CNTN5: variants seen among roughly 807,000 people sequenced by gnomAD.
CNTN5 encodes contactin 5.
A neutral mutation model predicts 129.1 loss-of-function variants in CNTN5; 77 were observed. The ratio of observed to expected loss-of-function variants is 0.60; its 90% confidence interval spans 0.50 to 0.72. The LOEUF is 0.72. CNTN5 is among the 30% of genes least tolerant of loss of function. The probability of loss-of-function intolerance (pLI) is 0.00; values close to 1 mark genes in which losing one functional copy is unlikely to be tolerated. For synonymous variants in CNTN5, 509 were observed against 465.6 expected, an observed-to-expected ratio of 1.09 and a Z score of -1.20; for missense variants, 1,478 against 1,328.8, an observed-to-expected ratio of 1.11 and a Z score of -1.75.
At chr11:99,966,911 G>C (rs1267873201) in intron 8 of CNTN5, among the ~76,000 whole-genome samples, 1 of 152,126 alleles carries the variant, frequency 6.6e-6, no homozygotes, top group Non-Finnish European at 1.5e-5. Flanking sequence ...AGGGGCTTTA[G>C]AGGGGCTTGT....
chr11:99,234,196 T>C (rs1341040624), intron 1 of CNTN5, among the ~76,000 whole-genome samples: 6 of 152,130 alleles, frequency 3.9e-5, no homozygotes, highest in Admixed American at 3.9e-4. Flanking sequence ...AAATAAAAAT[T>C]GCCAATATCA....
rs567071473 is a variant in CNTN5, at chr11:99,777,626, G to A, written c.56-41918G>A. 2.0e-5 allele frequency among the ~76,000 whole-genome samples: 3 copies of A among 151,752 alleles called. No individual in the cohort carries two copies. In the East Asian group the frequency reaches 5.8e-4, roughly 30 times the overall value. On this transcript the variant is annotated intron_variant, in intron 3 of 24. Transcript: ENST00000524871. ...AAATTGTTCTTGACAGTTTTTTTCT[G>A]TTAGACTAGTAAATGTGTGGTTGCC...
intron 9 of CNTN5, among the ~76,000 whole-genome samples, chr11:100,023,047 G>A (rs1411839275): frequency 1.3e-5 from 2 of 151,942 alleles, no homozygotes; most frequent in Non-Finnish European, 2.9e-5. Flanking sequence ...GCTTCTGGGA[G>A]CCAAAATTTT....
intron 1 of CNTN5, among the ~76,000 whole-genome samples, chr11:99,190,314 A>G (rs779667179): frequency 1.3e-5 from 2 of 151,686 alleles, no homozygotes; most frequent in South Asian, 2.1e-4. Context: ...GTATATTTTG[A>G]CATCAGGAGG....
rs185833070 is a variant in CNTN5, at chr11:99,398,336, G to C, written c.-71+72852G>C. Among the ~76,000 whole-genome samples, 12 of 151,562 alleles carry C rather than the reference G, an allele frequency of 7.9e-5. No individual in the cohort carries two copies. The East Asian group carries it at 2.3e-3, about 29-fold the overall frequency. On this transcript the variant is annotated intron_variant, in intron 2 of 24. Coordinates refer to ENST00000524871, the MANE Select transcript of CNTN5 (RefSeq NM_014361.4). Reference sequence around the variant, plus strand: ...ATACATTTGTAATATATTTCTGTTCGTCTGTCCTATTCTGCATTCCAACCT... The same window carrying C: ...ATACATTTGTAATATATTTCTGTTCCTCTGTCCTATTCTGCATTCCAACCT...
intron 2 of CNTN5, among the ~76,000 whole-genome samples, chr11:99,385,466 T>A (rs995937008): frequency 6.6e-6 from 1 of 152,178 alleles, no homozygotes; most frequent in Non-Finnish European, 1.5e-5. Context: ...ATTTTATTCA[T>A]AAACCAGTAA....
intron 3 of CNTN5, chr11:99,558,340 GTT>G (rs1948739076): frequency 2.8e-6 from 1 of 358,418 alleles, no homozygotes; most frequent in African/African-American, 2.2e-5. Context: ...AGGACACCCA[GTT>G]AGATTTGGAT....
At chr11:100,185,471 A>C (rs1948271613) in intron 13 of CNTN5, among the ~76,000 whole-genome samples, 1 of 152,134 alleles carries the variant, frequency 6.6e-6, no homozygotes, top group Admixed American at 6.5e-5. Context: ...CAGAAGTGAT[A>C]AAGAAGAGCG....
chr11:100,013,168 GTCAA>G (rs1485221609), intron 9 of CNTN5, among the ~76,000 whole-genome samples: 2 of 152,086 alleles, frequency 1.3e-5, no homozygotes, highest in Non-Finnish European at 2.9e-5. Flanking sequence ...TGGAGTAATA[GTCAA>G]TGGAGACTCA....
chr11:99,593,393 G>A lies in CNTN5; in HGVS notation c.55+37124G>A, dbSNP rs75130004. 7.9e-5 allele frequency among the ~76,000 whole-genome samples: 12 copies of A among 152,278 alleles called. No individual in the cohort carries two copies. The East Asian group carries it at 2.3e-3, about 29-fold the overall frequency. ...GTCACTGATTTGAAAGGAACTGTCA[G>A]TTGTTTGATTCTTTAAGTGATTCTG... On this transcript the variant is annotated intron_variant, in intron 3 of 24. Transcript: ENST00000524871.
chr11:99,093,763 T>A (rs1159499788), intron 1 of CNTN5, among the ~76,000 whole-genome samples: 1 of 152,018 alleles, frequency 6.6e-6, no homozygotes, highest in Non-Finnish European at 1.5e-5. Flanking sequence ...ATTCTATTTT[T>A]ATTTTAAATC....
At chr11:100,352,972 T>C (rs538009902) in intron 24 of CNTN5, among the ~76,000 whole-genome samples, 5 of 151,746 alleles carry the variant, frequency 3.3e-5, no homozygotes, top group Non-Finnish European at 7.4e-5. Flanking sequence ...TTTCTATATA[T>C]TATTTTATCT....
Position 100,255,846 on chromosome 11 carries a change from C to T in CNTN5, c.2092C>T (p.His698Tyr). 1 of 1,613,862 alleles carries T rather than the reference C, an allele frequency of 6.2e-7. No homozygotes were observed. Among genetic ancestry groups the T allele is most frequent in the Non-Finnish European group, 8.5e-7 (1 of 1,179,854 alleles). ...GTCCTGGAGCCCAGCAGCTGACAACCACAGCCCAATCTCCTCCTACAACCT... is the reference window on the plus strand; with the variant it reads ...GTCCTGGAGCCCAGCAGCTGACAACTACAGCCCAATCTCCTCCTACAACCT... ...TLSWSPAADN[H>Y]SPISSYNLQA... Residue 698 changes from histidine to tyrosine, a missense_variant, in exon 17 of 25, where the codon CAC becomes TAC. Transcript: ENST00000524871.
chr11:100,107,481 T>C (rs1386249030), intron 13 of CNTN5, among the ~76,000 whole-genome samples: 1 of 145,918 alleles, frequency 6.9e-6, no homozygotes, highest in East Asian at 2.0e-4. Flanking sequence ...GCTGCAACTA[T>C]AGTATTCTTT....
intron 13 of CNTN5, among the ~76,000 whole-genome samples, chr11:100,077,197 T>C (rs2137905755): frequency 6.6e-6 from 1 of 152,280 alleles, no homozygotes. Context: ...GAAACAGAGG[T>C]GTTAGAAAAC....
chr11:99,312,976 C>T (rs1336560590), intron 1 of CNTN5, among the ~76,000 whole-genome samples: 2 of 151,742 alleles, frequency 1.3e-5, no homozygotes, highest in Non-Finnish European at 2.9e-5. Context: ...TTTAATAGAA[C>T]GAGCTAATAA....
At chr11:99,166,867 CAT>C (rs1445308732) in intron 1 of CNTN5, among the ~76,000 whole-genome samples, 1 of 147,302 alleles carries the variant, frequency 6.8e-6, no homozygotes, top group Non-Finnish European at 1.5e-5. Flanking sequence ...GATTTAATTT[CAT>C]GTTTTCATTG....
chr11:100,097,894 A>G (rs1420934660), intron 13 of CNTN5, among the ~76,000 whole-genome samples: 1 of 152,102 alleles, frequency 6.6e-6, no homozygotes, highest in African/African-American at 2.4e-5. Flanking sequence ...TTTCCTTTCA[A>G]TAGCCGATCA....
chr11:99,819,182 A>G (rs1946689237), intron 3 of CNTN5, among the ~76,000 whole-genome samples: 1 of 150,044 alleles, frequency 6.7e-6, no homozygotes, highest in Non-Finnish European at 1.5e-5. Context: ...TTTCCTGACA[A>G]AGTATAAAGC....
Sources: allele counts gnomAD v4.1 joint callset (sites outside exome capture counted in the v4.1 genomes callset), GRCh38; gene constraint gnomAD v4.1.1; transcripts MANE v1.5; gene names NCBI Gene and HGNC (gene_info 2026-07-23, HGNC 2026-07-21).